MKLN1: variants seen among roughly 807,000 people sequenced by gnomAD.
MKLN1 encodes the protein muskelin.
Under a neutral mutation model 99.0 loss-of-function variants are expected in MKLN1, and 18 were observed. The observed-to-expected ratio is 0.18, with a 90% CI of 0.13 to 0.27. The LOEUF (loss-of-function observed/expected upper bound fraction) is 0.27, where lower values mean the gene tolerates loss of function less well. Among genes scored for constraint, MKLN1 ranks in the 10% least tolerant of loss-of-function variants. The pLI is 1.00. For synonymous variants in MKLN1, 288 were observed against 293.2 expected (o/e 0.98, Z 0.18); for missense variants, 621 against 875.9 (o/e 0.71, Z 3.67).
At chr7:131,400,518 AATATAT>A (rs56156009) in intron 6 of MKLN1, among the ~76,000 whole-genome samples, 64 of 137,428 alleles carry the variant, frequency 4.7e-4, no homozygotes, top group African/African-American at 1.1e-3. Context: ...ATAAAAAAAA[AATATAT>A]ATATATATAT....
chr7:131,465,771 C>T (rs1364822168), intron 14 of MKLN1, among the ~76,000 whole-genome samples: 2 of 152,108 alleles, frequency 1.3e-5, no homozygotes, highest in Admixed American at 6.5e-5. Context: ...AATCTCCTGA[C>T]CTCATGATCC....
chr7:131,336,158 CTT>C (rs1446286086), intron 1 of MKLN1, among the ~76,000 whole-genome samples: 1 of 152,024 alleles, frequency 6.6e-6, no homozygotes. Context: ...CACATACAAA[CTT>C]ATCTTTCTAG....
At chr7:131,113,981 A>C (rs572064454) in intron 1 of MKLN1, among the ~76,000 whole-genome samples, 80 of 152,228 alleles carry the variant, frequency 5.3e-4, no homozygotes, top group Non-Finnish European at 7.2e-4. Context: ...ACCTCCCACC[A>C]GGTCCCTCCC....
At chr7:131,278,859 C>CA (rs1798010998) in intron 3 of MKLN1, among the ~76,000 whole-genome samples, 1 of 152,152 alleles carries the variant, frequency 6.6e-6, no homozygotes, top group African/African-American at 2.4e-5. Flanking sequence ...CTCAGCCTCC[C>CA]AAAGTGCTGA....
rs191546687 is a variant in MKLN1 at position 131,469,309 on chromosome 7, C to A, written c.1929-1533C>A. 2.0e-5 allele frequency among the ~76,000 whole-genome samples: 3 copies of A among 152,272 alleles called. No homozygotes were observed. In the East Asian group the frequency reaches 5.8e-4, roughly 29 times the overall value. ...ACTGCCTTCTCTATTTCTGTCTGCT[C>A]TTTACATGTCCTTATGTGTCTCACA... On this transcript the variant is annotated intron_variant, in intron 15 of 17. Transcript: ENST00000352689.
Position 131,463,374 on chromosome 7 carries a change from T to C in MKLN1, c.1673+10T>C. 1 of 1,607,714 alleles carries C rather than the reference T, an allele frequency of 6.2e-7. No individual in the cohort carries two copies. The highest frequency in any genetic ancestry group is 8.5e-7 in the Non-Finnish European group (1 of 1,177,288). On this transcript the variant is annotated intron_variant, in intron 13 of 17. Coordinates refer to ENST00000352689, the MANE Select transcript of MKLN1 (RefSeq NM_013255.5). Reference sequence around the variant, plus strand: ...TTGTGAGGAATAGTTGGTAAGGAACTCTTGTCTCTGCTGCAATCCCAATGT... The same window carrying C: ...TTGTGAGGAATAGTTGGTAAGGAACCCTTGTCTCTGCTGCAATCCCAATGT...
chr7:131,472,666 C>G (rs1010466886), intron 16 of MKLN1, among the ~76,000 whole-genome samples: 5 of 151,908 alleles, frequency 3.3e-5, no homozygotes, highest in Middle Eastern at 3.4e-3. Flanking sequence ...AAACAATGCC[C>G]TTGGCTGGGC....
intron 1 of MKLN1, among the ~76,000 whole-genome samples, chr7:131,137,135 G>A (rs1203144279): frequency 1.3e-5 from 2 of 152,106 alleles, no homozygotes; most frequent in African/African-American, 4.8e-5. Flanking sequence ...TTACAGGTGC[G>A]AGCCATCACA....
At chr7:131,289,437 C>A (rs1360835274) in intron 3 of MKLN1, among the ~76,000 whole-genome samples, 1 of 152,086 alleles carries the variant, frequency 6.6e-6, no homozygotes, top group Non-Finnish European at 1.5e-5. Flanking sequence ...ACCAGCCTGG[C>A]CAACATAGCG....
chr7:131,335,354 T>C (rs1041462306), intron 1 of MKLN1, among the ~76,000 whole-genome samples: 1 of 152,130 alleles, frequency 6.6e-6, no homozygotes, highest in African/African-American at 2.4e-5. Context: ...TATGATGAAA[T>C]TTTACTGATT....
At chr7:131,152,113 A>G (rs1795896455) in intron 2 of MKLN1, among the ~76,000 whole-genome samples, 1 of 152,150 alleles carries the variant, frequency 6.6e-6, no homozygotes, top group Non-Finnish European at 1.5e-5. Flanking sequence ...ACTTGAGGCC[A>G]TTAGTTTGAG....
intron 12 of MKLN1, among the ~76,000 whole-genome samples, chr7:131,451,484 A>G (rs1476552388): frequency 6.6e-6 from 1 of 152,060 alleles, no homozygotes; most frequent in Non-Finnish European, 1.5e-5. Context: ...ATAATTCTGT[A>G]TTGTCAGATA....
chr7:131,350,912 C>T (rs2116762324), intron 1 of MKLN1, among the ~76,000 whole-genome samples: 1 of 152,208 alleles, frequency 6.6e-6, no homozygotes, highest in Middle Eastern at 3.4e-3. Context: ...CTTTTATGGC[C>T]ACAATGTCAT....
intron 3 of MKLN1, among the ~76,000 whole-genome samples, chr7:131,289,456 T>A (rs1351344562): frequency 6.6e-6 from 1 of 152,002 alleles, no homozygotes; most frequent in South Asian, 2.1e-4. Context: ...CGAGACCTCA[T>A]CTCTACAAAA....
At chr7:131,143,474 G>GA (rs1795770261) in intron 2 of MKLN1, among the ~76,000 whole-genome samples, 1 of 151,558 alleles carries the variant, frequency 6.6e-6, no homozygotes, top group Non-Finnish European at 1.5e-5. Flanking sequence ...TCAAAAAAAA[G>GA]AAAAAATTCT....
chr7:131,187,752 C>T (rs1270706810), intron 2 of MKLN1, among the ~76,000 whole-genome samples: 1 of 152,074 alleles, frequency 6.6e-6, no homozygotes, highest in Non-Finnish European at 1.5e-5. Context: ...GAGTTTGAGG[C>T]CACTCTGACT....
rs1203718019 is a variant in MKLN1 at position 131,132,498 on chromosome 7, G to A, written c.-418-10322G>A. Among the ~76,000 whole-genome samples, 3 of 152,296 alleles carry A rather than the reference G, an allele frequency of 2.0e-5. No individual in the cohort carries two copies. In the South Asian group the frequency reaches 6.2e-4, roughly 32 times the overall value. On this transcript the variant is annotated intron_variant, in intron 1 of 7. Coordinates refer to the MKLN1 transcript ENST00000416992. ...TATTTCACAGAGGTGAAATGATTGGGAAAGCCCCAGAGGTGGCTGGAAACC... is the reference window on the plus strand; with the variant it reads ...TATTTCACAGAGGTGAAATGATTGGAAAAGCCCCAGAGGTGGCTGGAAACC...
intron 12 of MKLN1, 105 bp from the exon 13 acceptor site, chr7:131,463,111 GA>G: frequency 1.0e-6 from 1 of 987,844 alleles, no homozygotes; most frequent in Non-Finnish European, 1.5e-6. Context: ...GCAACAGAGT[GA>G]AATGCTGTTC....
chr7:131,174,219 G>A (rs963554044), intron 2 of MKLN1, among the ~76,000 whole-genome samples: 6 of 152,044 alleles, frequency 3.9e-5, no homozygotes, highest in African/African-American at 1.4e-4. Flanking sequence ...TGATCTGACC[G>A]CCTCGGCCTC....
Sources: allele counts gnomAD v4.1 joint callset (sites outside exome capture counted in the v4.1 genomes callset), GRCh38; gene constraint gnomAD v4.1.1; transcripts MANE v1.5; gene names NCBI Gene and HGNC (gene_info 2026-07-23, HGNC 2026-07-21).